Variants in NYAP2 observed in about 807,000 individuals in gnomAD.
NYAP2 encodes neuronal tyrosine-phosphorylated phosphoinositide-3-kinase adapter 2.
In NYAP2, 23 loss-of-function variants were observed where a neutral mutation model predicts 50.4. That is an observed-to-expected ratio of 0.46 (90% confidence interval 0.33 to 0.65). The LOEUF is 0.65. Ranked by LOEUF, NYAP2 falls within the 30% of genes least tolerant of loss-of-function variation. NYAP2 has a pLI of 0.02. For synonymous variants in NYAP2, 394 were observed against 365.2 expected (o/e 1.08, Z -0.90); for missense variants, 885 against 861.0 (o/e 1.03, Z -0.35).
intron 5 of NYAP2, among the ~76,000 whole-genome samples, chr2:225,585,329 C>A (rs1692370959): frequency 6.6e-6 from 1 of 152,076 alleles, no homozygotes; most frequent in African/African-American, 2.4e-5. Flanking sequence ...TTGGAGGATC[C>A]TTAACAGCTC....
intron 6 of NYAP2, among the ~76,000 whole-genome samples, chr2:225,637,677 C>A (rs1165189356): frequency 2.6e-5 from 4 of 152,144 alleles, no homozygotes; most frequent in Non-Finnish European, 5.9e-5. Flanking sequence ...AGCCCCAAGA[C>A]TCCCACTTTT....
chr2:225,451,397 T>C (rs981057632), intron 3 of NYAP2, among the ~76,000 whole-genome samples: 7 of 152,182 alleles, frequency 4.6e-5, no homozygotes, highest in Non-Finnish European at 8.8e-5. Context: ...AAATATACCT[T>C]TTTATACAAA....
chr2:225,566,995 G>A (rs1559216407), intron 4 of NYAP2, among the ~76,000 whole-genome samples: 1 of 152,094 alleles, frequency 6.6e-6, no homozygotes, highest in Non-Finnish European at 1.5e-5. Flanking sequence ...CTGAGAAAAT[G>A]TGTCATTAGG....
chr2:225,627,341 C>T (rs139325241), intron 6 of NYAP2, among the ~76,000 whole-genome samples: 224 of 152,272 alleles, frequency 1.5e-3, no homozygotes, highest in African/African-American at 5.0e-3. Context: ...GATACCTGAA[C>T]GGTGCTTCTT....
chr2:225,432,858 C>A (rs1689291491), intron 3 of NYAP2, among the ~76,000 whole-genome samples: 2 of 152,082 alleles, frequency 1.3e-5, no homozygotes, highest in African/African-American at 2.4e-5. Flanking sequence ...AAAGGCTGCT[C>A]CATCTCCTTC....
chr2:225,607,555 T>C (rs1037423493), intron 5 of NYAP2, among the ~76,000 whole-genome samples: 2 of 152,156 alleles, frequency 1.3e-5, no homozygotes. Context: ...ATTTTGGAAT[T>C]TGTCAAAAGA....
At chr2:225,640,857 C>T (rs943892329) in intron 6 of NYAP2, among the ~76,000 whole-genome samples, 3 of 152,006 alleles carry the variant, frequency 2.0e-5, no homozygotes, top group Non-Finnish European at 2.9e-5. Flanking sequence ...AGTATGATAC[C>T]GTATACTATA....
At position 225,582,169 on chromosome 2, in the gene NYAP2, A is replaced by G. The variant is rs1485897396; in HGVS notation, c.752A>G (p.Asn251Ser). The G allele has an allele frequency of 6.2e-7, 1 of 1,614,028 alleles. No homozygotes were observed. The highest frequency in any genetic ancestry group is 1.7e-5 in the Admixed American group (1 of 60,030). ...CCCGTGTACATCGAGATGGTGGGGA[A>G]CATTCTCAGAGACTTCAGGAAGGAG... Residue 251 changes from asparagine (N) to serine (S), a missense_variant, in exon 5 of 7, where the codon AAC becomes AGC. Transcript: ENST00000636099. The surrounding 1 kb of genome is among the most constrained non-coding windows in gnomAD (Gnocchi z 7.0).
At chr2:225,654,665 CAG>C (rs1049602649), downstream of NYAP2, among the ~76,000 whole-genome samples, 2 of 152,096 alleles carry the variant, frequency 1.3e-5, no homozygotes, top group African/African-American at 4.8e-5. Context: ...CCCTGGGCAA[CAG>C]AGTTAGACTC....
intron 5 of NYAP2, among the ~76,000 whole-genome samples, chr2:225,597,512 A>AATTAT (rs1553554328): frequency 2.2e-5 from 1 of 46,220 alleles, no homozygotes; most frequent in African/African-American, 5.9e-5. Context: ...TCCAAGGAGA[A>AATTAT]ATATATATAT....
At chr2:225,631,366 C>G (rs1393875815) in intron 6 of NYAP2, among the ~76,000 whole-genome samples, 2 of 152,078 alleles carry the variant, frequency 1.3e-5, no homozygotes, top group Non-Finnish European at 2.9e-5. Flanking sequence ...GTTTGTAGAG[C>G]AGGAAATTGT....
rs148660555 is a variant in NYAP2 at position 225,458,137 on chromosome 2, T to G, written c.221+49036T>G. 1.8e-3 allele frequency among the ~76,000 whole-genome samples: 268 copies of G among 152,138 alleles called. 3 individuals carry two copies. Among genetic ancestry groups the G allele is most frequent in the African/African-American group, 6.2e-3 (256 of 41,542 alleles). ...AAGAAAATGTAAAATTAGCCAGGCA[T>G]TTTACATTTTCTTTAATGATTTTTA... On this transcript the variant is annotated intron_variant, in intron 3 of 6. Transcript: ENST00000636099.
chr2:225,424,572 T>C (rs563259915), intron 3 of NYAP2, among the ~76,000 whole-genome samples: 32 of 152,176 alleles, frequency 2.1e-4, no homozygotes, highest in African/African-American at 7.7e-4. Context: ...ATGCCATAAA[T>C]GCACTGGTTT....
At chr2:225,413,973 A>G (rs989972967) in intron 3 of NYAP2, among the ~76,000 whole-genome samples, 1 of 152,152 alleles carries the variant, frequency 6.6e-6, no homozygotes, top group African/African-American at 2.4e-5. Flanking sequence ...AAAAATGGAA[A>G]TAGGATTTCG....
At chr2:225,646,957 A>C (rs1442166941) in intron 6 of NYAP2, among the ~76,000 whole-genome samples, 2 of 152,156 alleles carry the variant, frequency 1.3e-5, no homozygotes, top group African/African-American at 4.8e-5. Flanking sequence ...CATTGGAAAT[A>C]ATGTTGCCTA....
chr2:225,692,472 G>A, the NYAP2 span, among the ~76,000 whole-genome samples: 1 of 151,960 alleles, frequency 6.6e-6, no homozygotes, highest in African/African-American at 2.4e-5. Context: ...TGCATTGAAG[G>A]ATCATTAGAT....
chr2:225,478,185 G>A (rs1300544734), intron 3 of NYAP2, among the ~76,000 whole-genome samples: 1 of 152,164 alleles, frequency 6.6e-6, no homozygotes, highest in East Asian at 1.9e-4. Flanking sequence ...TCACAAGCTA[G>A]GGGTAAGTGG....
intron 3 of NYAP2, among the ~76,000 whole-genome samples, chr2:225,484,947 G>C (rs999825861): frequency 6.6e-6 from 1 of 152,212 alleles, no homozygotes; most frequent in African/African-American, 2.4e-5. Context: ...AGGCCCATCA[G>C]TGTGAGTTTT....
intron 6 of NYAP2, among the ~76,000 whole-genome samples, chr2:225,634,599 T>C (rs1693379933): frequency 6.6e-6 from 1 of 152,200 alleles, no homozygotes; most frequent in South Asian, 2.1e-4. Flanking sequence ...GCTTGTAAAT[T>C]CTATACTAAT....
Sources: allele counts gnomAD v4.1 joint callset (sites outside exome capture counted in the v4.1 genomes callset), GRCh38; gene constraint gnomAD v4.1.1; non-coding constraint Gnocchi (gnomAD v3.1); transcripts MANE v1.5; gene names NCBI Gene and HGNC (gene_info 2026-07-23, HGNC 2026-07-21).